UBE2V2: variants seen among roughly 807,000 people sequenced by gnomAD.
UBE2V2 encodes ubiquitin conjugating enzyme E2 V2, also known as ubiquitin-conjugating enzyme E2 variant 2.
UBE2V2 carries 9 observed loss-of-function variants against 17.2 expected under a neutral mutation model. The observed-to-expected ratio is 0.52, with a 90% CI of 0.32 to 0.91. The LOEUF is 0.91. Among genes scored for constraint, UBE2V2 ranks in the 40% least tolerant of loss-of-function variants. The pLI, the probability that UBE2V2 is intolerant of heterozygous loss-of-function variation, is 0.04. For missense variants in UBE2V2, 133 were observed against 182.6 expected, an observed-to-expected ratio of 0.73 and a Z score of 1.56; for synonymous variants, 61 against 57.5, an observed-to-expected ratio of 1.06 and a Z score of -0.28.
At chr8:48,022,427 C>G (rs905720474) in intron 1 of UBE2V2, among the ~76,000 whole-genome samples, 1 of 152,144 alleles carries the variant, frequency 6.6e-6, no homozygotes, top group Non-Finnish European at 1.5e-5. Flanking sequence ...TGAACCACCA[C>G]GCCCAGCCTG....
chr8:48,048,063 G>A (rs1300143824), intron 2 of UBE2V2, among the ~76,000 whole-genome samples: 6 of 144,290 alleles, frequency 4.2e-5, no homozygotes, highest in Non-Finnish European at 7.5e-5. Flanking sequence ...ATGCACAGAT[G>A]TGCCATGAGT....
rs1314647723 is a variant in UBE2V2 at position 48,030,852 on chromosome 8, T to C, written c.17-12181T>C. The stretch of plus-strand genomic sequence containing the variant: ...GCTTGGCCAACACGGTGAAACCCCG[T>C]CTCTACTAAAAATACAAAAATTAGC... On this transcript the variant is annotated intron_variant, in intron 1 of 3. Coordinates refer to ENST00000523111, the MANE Select transcript of UBE2V2 (RefSeq NM_003350.3). Among the ~76,000 whole-genome samples, 3 of 151,998 alleles carry C rather than the reference T, an allele frequency of 2.0e-5. No homozygotes were observed. In the East Asian group the frequency reaches 5.8e-4, roughly 29 times the overall value.
chr8:48,015,146 G>A (rs1030600311), intron 1 of UBE2V2, among the ~76,000 whole-genome samples: 3 of 152,082 alleles, frequency 2.0e-5, no homozygotes, highest in African/African-American at 7.2e-5. Flanking sequence ...GGGAGGTCGA[G>A]GTGGGTGGAT....
At chr8:48,045,188 T>G (rs530396141) in intron 2 of UBE2V2, among the ~76,000 whole-genome samples, 1 of 152,274 alleles carries the variant, frequency 6.6e-6, no homozygotes, top group Non-Finnish European at 1.5e-5. Flanking sequence ...ATAATAGCCT[T>G]TCCTCACTTG....
At chr8:48,008,536 T>C in intron 1 of UBE2V2, 66 bp downstream of exon 1, 1 of 1,518,072 alleles carries the variant, frequency 6.6e-7, no homozygotes, top group Non-Finnish European at 8.8e-7. Context: ...CGTCTGCTGC[T>C]GGCGCCCGAG....
chr8:48,058,136 C>A (rs998638111), intron 3 of UBE2V2, among the ~76,000 whole-genome samples: 6 of 151,680 alleles, frequency 4.0e-5, no homozygotes, highest in Admixed American at 6.6e-5. Flanking sequence ...GAGTTTGAGA[C>A]CAGCCTGGCC....
At chr8:48,052,577 C>T (rs1198253131) in intron 3 of UBE2V2, among the ~76,000 whole-genome samples, 1 of 152,172 alleles carries the variant, frequency 6.6e-6, no homozygotes, top group East Asian at 1.9e-4. Context: ...TACATTGCCA[C>T]CAAGTGAATA....
At chr8:48,030,507 G>C (rs564738479) in intron 1 of UBE2V2, among the ~76,000 whole-genome samples, 1 of 152,262 alleles carries the variant, frequency 6.6e-6, no homozygotes, top group Non-Finnish European at 1.5e-5. Flanking sequence ...GATCACTTGA[G>C]CCCAGGAGTT....
rs1488200301 is a variant in UBE2V2, at chr8:48,013,860, G to C, written c.16+5390G>C. On this transcript the variant is annotated intron_variant, in intron 1 of 3. Transcript: ENST00000523111. ...TTAGCAGTGTTCTGAGTTCCCTGCT[G>C]CCCCTGACAGACTACTGTGCCACCA... Among the ~76,000 whole-genome samples, 4 of 152,294 alleles carry C rather than the reference G, an allele frequency of 2.6e-5. No individual in the cohort carries two copies. In the East Asian group the frequency reaches 7.7e-4, roughly 29 times the overall value.
At position 48,020,046 on chromosome 8, in the gene UBE2V2, C is replaced by CT. The variant is rs777644132; in HGVS notation, c.16+11591dup. On this transcript the variant is annotated intron_variant, in intron 1 of 3. Coordinates refer to ENST00000523111, the MANE Select transcript of UBE2V2 (RefSeq NM_003350.3). ...TTGGGCTTTCTCTCTCTCTGTCTCT[C>CT]TTTTTTTTTTTTTTTGAGACAAGGT... Among the ~76,000 whole-genome samples, 507 of 142,498 alleles carry CT rather than the reference C, an allele frequency of 3.6e-3. 1 individual carries two copies. Among genetic ancestry groups the CT allele is most frequent in the Admixed American group, 7.4e-3 (105 of 14,114 alleles). 93.5% of individuals were successfully genotyped at this position (142,498 alleles called of 152,430 possible).
chr8:48,014,467 A>G (rs1326391108), intron 1 of UBE2V2, among the ~76,000 whole-genome samples: 1 of 151,658 alleles, frequency 6.6e-6, no homozygotes, highest in Non-Finnish European at 1.5e-5. Context: ...AACACAGTGA[A>G]ACCCTATCTC....
At chr8:48,008,695 G>T (rs946814949) in intron 1 of UBE2V2, 5 of 328,956 alleles carry the variant, frequency 1.5e-5, no homozygotes, top group Admixed American at 6.1e-5. Context: ...CGCGCCGGCG[G>T]GCTGGGGGCG....
chr8:48,042,453 C>T (rs2091469598), intron 1 of UBE2V2: 1 of 151,714 alleles, frequency 6.6e-6, no homozygotes, highest in Admixed American at 6.6e-5. Flanking sequence ...TGTGAATTTG[C>T]TTTAGAAGTC....
intron 1 of UBE2V2, among the ~76,000 whole-genome samples, chr8:48,014,671 G>C (rs2091256309): frequency 6.7e-6 from 1 of 149,624 alleles, no homozygotes; most frequent in Non-Finnish European, 1.5e-5. Flanking sequence ...AAAATGTGCA[G>C]GAAAATGAAA....
At chr8:48,014,468 A>G (rs2091254298) in intron 1 of UBE2V2, among the ~76,000 whole-genome samples, 1 of 151,556 alleles carries the variant, frequency 6.6e-6, no homozygotes, top group Non-Finnish European at 1.5e-5. Flanking sequence ...ACACAGTGAA[A>G]CCCTATCTCT....
rs1310404604 is a variant in UBE2V2 at position 48,064,704 on chromosome 8, C to T, written c.*3876C>T. 1.3e-5 allele frequency: 2 copies of T among 151,870 alleles called. No homozygotes were observed. The highest frequency in any genetic ancestry group is 4.8e-5 in the African/African-American group (2 of 41,356). 9.4% of individuals were successfully genotyped at this position (151,870 alleles called of 1,614,324 possible). On this transcript the variant is annotated 3_prime_UTR_variant, in exon 4 of 4. Transcript: ENST00000523111. ...TGTTTCAATAAAGGAGTTGTGCAAA[C>T]TCAAGGAGTGAGTTACATGATTGAA...
At chr8:48,028,478 A>G (rs187831559) in intron 1 of UBE2V2, among the ~76,000 whole-genome samples, 1,917 of 151,884 alleles carry the variant, frequency 0.013, 138 homozygotes, top group Admixed American at 0.11. Context: ...AGCTGGGATT[A>G]CAGGCATGTG....
At chr8:48,024,623 A>C (rs945109189) in intron 1 of UBE2V2, among the ~76,000 whole-genome samples, 1 of 152,032 alleles carries the variant, frequency 6.6e-6, no homozygotes, top group Admixed American at 6.6e-5. Flanking sequence ...ATTCTTAAAT[A>C]CTGCTTCTGT....
chr8:48,013,561 G>A (rs903406054), intron 1 of UBE2V2, among the ~76,000 whole-genome samples: 6 of 151,910 alleles, frequency 3.9e-5, no homozygotes, highest in Admixed American at 2.0e-4. Context: ...CATCCGCCTC[G>A]GCCTCCCAAA....
Sources: gnomAD v4.1 joint callset for allele counts (sites outside exome capture counted in the v4.1 genomes callset) on GRCh38, gnomAD v4.1.1 for gene constraint, MANE v1.5 for transcripts, NCBI Gene and HGNC (gene_info 2026-07-23, HGNC 2026-07-21) for gene names.